The following AKAP6 variants were observed in gnomAD, a reference collection of about 807,000 sequenced individuals.
AKAP6 encodes A-kinase anchoring protein 6, also known as A-kinase anchor protein 6.
In AKAP6, 58 loss-of-function variants were observed where a neutral mutation model predicts 188.5. The ratio of observed to expected loss-of-function variants is 0.31; its 90% CI spans 0.25 to 0.38. The LOEUF (loss-of-function observed/expected upper bound fraction) is 0.38. AKAP6 is among the 10% of genes least tolerant of loss of function. The pLI, the probability that AKAP6 is intolerant of heterozygous loss-of-function variation, is 1.00. For synonymous variants in AKAP6, 989 were observed against 998.6 expected (o/e 0.99, Z 0.18); for missense variants, 2,710 against 2,740.0 (o/e 0.99, Z 0.24).
At chr14:32,522,192 A>T (rs568534837) in intron 2 of AKAP6, among the ~76,000 whole-genome samples, 1 of 152,350 alleles carries the variant, frequency 6.6e-6, no homozygotes, top group South Asian at 2.1e-4. Flanking sequence ...TTAATTCAAT[A>T]TGGATTAAAG....
chr14:32,510,355 CAT>C (rs142164943), intron 2 of AKAP6, among the ~76,000 whole-genome samples: 6 of 134,414 alleles, frequency 4.5e-5, no homozygotes, highest in Admixed American at 7.9e-5. Flanking sequence ...CATATGGATA[CAT>C]ATATATATGT....
intron 4 of AKAP6, among the ~76,000 whole-genome samples, chr14:32,555,806 A>G (rs1883662268): frequency 6.6e-6 from 1 of 152,126 alleles, no homozygotes. Flanking sequence ...ATATTCTATT[A>G]TGTGTTTATT....
chr14:32,749,454 G>A (rs1428769310), intron 11 of AKAP6, among the ~76,000 whole-genome samples: 1 of 152,158 alleles, frequency 6.6e-6, no homozygotes. Flanking sequence ...TAAAATTGCA[G>A]TGTTCTTGCC....
At chr14:32,347,256 T>G (rs1376996069) in intron 1 of AKAP6, among the ~76,000 whole-genome samples, 1 of 152,206 alleles carries the variant, frequency 6.6e-6, no homozygotes, top group East Asian at 1.9e-4. Context: ...CAGAGAAGTC[T>G]TGCCCTTTTT....
intron 1 of AKAP6, among the ~76,000 whole-genome samples, chr14:32,385,636 A>G (rs1401466595): frequency 1.3e-5 from 2 of 151,310 alleles, no homozygotes; most frequent in African/African-American, 2.4e-5. Context: ...CTTTGCACTC[A>G]CTTATGAGTG....
intron 4 of AKAP6, among the ~76,000 whole-genome samples, chr14:32,564,770 TA>T (rs1186158411): frequency 6.6e-6 from 1 of 152,178 alleles, no homozygotes; most frequent in Non-Finnish European, 1.5e-5. Context: ...TACTTCCTGT[TA>T]GAACATCCTG....
At chr14:32,803,584 C>T (rs563647488) in intron 12 of AKAP6, among the ~76,000 whole-genome samples, 14 of 151,982 alleles carry the variant, frequency 9.2e-5, no homozygotes, top group South Asian at 8.3e-4. Flanking sequence ...TATTTTTTTT[C>T]GGAGATACTT....
rs1196659832 is a variant in AKAP6 at position 32,722,044 on chromosome 14, C to T, written c.3001-10410C>T. Among the ~76,000 whole-genome samples, 4 of 152,292 alleles carry T rather than the reference C, an allele frequency of 2.6e-5. No homozygotes were observed. In the East Asian group the frequency reaches 5.8e-4, roughly 22 times the overall value. ...TGACCCCCAGTCTGACCTCTGAGGT[C>T]AGATGGAACAAATTAATATTTTTTA... On this transcript the variant is annotated intron_variant, in intron 9 of 13. Coordinates refer to ENST00000280979, the MANE Select transcript of AKAP6 (RefSeq NM_004274.5).
At chr14:32,781,337 A>G (rs1288182107) in intron 12 of AKAP6, among the ~76,000 whole-genome samples, 1 of 149,492 alleles carries the variant, frequency 6.7e-6, no homozygotes, top group Non-Finnish European at 1.5e-5. Flanking sequence ...AACAAGAGTG[A>G]AACTTACTCT....
chr14:32,542,977 C>T lies in AKAP6; in HGVS notation c.577-2253C>T, dbSNP rs58239894. On this transcript the variant is annotated intron_variant, in intron 3 of 13. Transcript: ENST00000280979. ...ACAGTGTAATATTTTGATACATGCA[C>T]ACAATGCAATGATCAAATCAGGGAA... Among the ~76,000 whole-genome samples the T allele has an allele frequency of 8.6e-3, 1,307 of 152,272 alleles. 17 individuals are homozygous for T. The highest frequency in any genetic ancestry group is 0.03 in the African/African-American group (1,251 of 41,542).
At chr14:32,600,391 C>G (rs1018514789) in intron 6 of AKAP6, among the ~76,000 whole-genome samples, 3 of 152,094 alleles carry the variant, frequency 2.0e-5, no homozygotes, top group African/African-American at 7.2e-5. Context: ...TATACTGAGT[C>G]TAAATCAGTT....
intron 2 of AKAP6, among the ~76,000 whole-genome samples, chr14:32,502,827 G>A (rs900672547): frequency 6.6e-6 from 1 of 152,022 alleles, no homozygotes; most frequent in Admixed American, 6.6e-5. Flanking sequence ...CTGAATAAAT[G>A]TACCATACTG....
chr14:32,600,515 G>T lies in AKAP6; in HGVS notation c.2567-114G>T, dbSNP rs989157526. 1.5e-5 allele frequency: 18 copies of T among 1,178,894 alleles called. No homozygotes were observed. In the African/African-American group the frequency reaches 2.3e-4, roughly 15 times the overall value. The allele number at this position is 1,178,894 out of a possible 1,614,324, so 73.0% of individuals were successfully genotyped here. A position where few individuals can be genotyped will look rare whatever the true frequency, so the allele number is the denominator to read the frequency against. On this transcript the variant is annotated intron_variant, in intron 6 of 13. Transcript: ENST00000280979. ...GCTGATATGGCAGGTGATGGTAATGGTCATTTAAAAATATTTATATTGTTT... is the reference window on the plus strand; with the variant it reads ...GCTGATATGGCAGGTGATGGTAATGTTCATTTAAAAATATTTATATTGTTT...
chr14:32,670,604 C>T (rs1202839671), intron 7 of AKAP6, among the ~76,000 whole-genome samples: 1 of 152,142 alleles, frequency 6.6e-6, no homozygotes, highest in Non-Finnish European at 1.5e-5. Flanking sequence ...GGTTTCCTCC[C>T]ATTATATTGA....
intron 1 of AKAP6, among the ~76,000 whole-genome samples, chr14:32,381,766 C>G (rs74041615): frequency 6.6e-6 from 1 of 152,090 alleles, no homozygotes; most frequent in African/African-American, 2.4e-5. Flanking sequence ...TTCATTGTCC[C>G]TCCTTTTCTT....
At chr14:32,351,767 A>T (rs558330139) in intron 1 of AKAP6, among the ~76,000 whole-genome samples, 132 of 152,230 alleles carry the variant, frequency 8.7e-4, no homozygotes, top group Non-Finnish European at 1.6e-3. Context: ...GTGTGTATGT[A>T]TATGTTTATA....
At position 32,557,199 on chromosome 14, in the gene AKAP6, AC is replaced by A. The variant is rs1883725285; in HGVS notation, c.2346+10202del. ...CTCCTGGAGCTTAGTTGATCTTCCC[AC>A]CTCAGCCTACCCAGTAGCTGGGACT... On this transcript the variant is annotated intron_variant, in intron 4 of 13. Coordinates refer to ENST00000280979, the MANE Select transcript of AKAP6 (RefSeq NM_004274.5). 7.9e-5 allele frequency among the ~76,000 whole-genome samples: 12 copies of A among 152,108 alleles called. No homozygotes were observed. The South Asian group carries it at 2.5e-3, about 32-fold the overall frequency.
chr14:32,745,968 T>A (rs2031892935), intron 11 of AKAP6, among the ~76,000 whole-genome samples: 2 of 151,660 alleles, frequency 1.3e-5, no homozygotes. Flanking sequence ...CCATGGAGAG[T>A]ACTGCCAGAC....
intron 1 of AKAP6, among the ~76,000 whole-genome samples, chr14:32,349,497 G>T (rs1887189389): frequency 6.6e-6 from 1 of 152,170 alleles, no homozygotes; most frequent in Non-Finnish European, 1.5e-5. Flanking sequence ...AATATAGAAA[G>T]AAATATAGAA....
Sources: allele counts gnomAD v4.1 joint callset (sites outside exome capture counted in the v4.1 genomes callset), GRCh38; gene constraint gnomAD v4.1.1; transcripts MANE v1.5; gene names NCBI Gene and HGNC (gene_info 2026-07-23, HGNC 2026-07-21).